The following FBXL17 variants were observed in gnomAD, a reference collection of about 807,000 sequenced individuals.
FBXL17 encodes the protein F-box/LRR-repeat protein 17.
In FBXL17, 22 loss-of-function variants were observed where a neutral mutation model predicts 66.2. That is an observed-to-expected ratio of 0.33 (90% CI 0.24 to 0.47). FBXL17 has a LOEUF of 0.47. Ranked by LOEUF, FBXL17 falls within the 20% of genes least tolerant of loss-of-function variation. The probability of loss-of-function intolerance (pLI) is 1.00; values close to 1 mark genes in which losing one functional copy is unlikely to be tolerated. For synonymous variants in FBXL17, 474 were observed against 400.5 expected, an observed-to-expected ratio of 1.18 and a Z score of -2.19; for missense variants, 878 against 948.2, an observed-to-expected ratio of 0.93 and a Z score of 0.97.
intron 6 of FBXL17, among the ~76,000 whole-genome samples, chr5:108,082,174 A>C (rs925890766): frequency 3.3e-5 from 5 of 152,096 alleles, no homozygotes; most frequent in African/African-American, 1.2e-4. Context: ...ATACATGAAA[A>C]ATAAGAAGGA....
In FBXL17 at chr5:108,381,759, G is replaced by A. The variant is rs987031565; in HGVS notation, c.-68C>T. The A allele has an allele frequency of 7.3e-7, 1 of 1,376,618 alleles. No individual in the cohort carries two copies. The highest frequency in any genetic ancestry group is 9.3e-7 in the Non-Finnish European group (1 of 1,071,190). 85.3% of individuals were successfully genotyped at this position (1,376,618 alleles called of 1,614,324 possible). Reference sequence around the variant, plus strand: ...GACCCAGAGAGGCGGGCTCCCGGCAGCGGGGCAGGCCGCTCGCTGGCTCGG... The same window carrying A: ...GACCCAGAGAGGCGGGCTCCCGGCAACGGGGCAGGCCGCTCGCTGGCTCGG... On this transcript the variant is annotated 5_prime_UTR_variant, in exon 1 of 9. Coordinates refer to ENST00000542267, the MANE Select transcript of FBXL17 (RefSeq NM_001163315.3).
intron 8 of FBXL17, 82 bp downstream of exon 8, chr5:107,880,953 GAT>G: frequency 6.2e-7 from 1 of 1,609,606 alleles, no homozygotes; most frequent in African/African-American, 1.3e-5. Flanking sequence ...CGGGGGTGGA[GAT>G]AGAGAAGGAG....
intron 4 of FBXL17, among the ~76,000 whole-genome samples, chr5:108,307,801 A>G (rs531396646): frequency 8.0e-5 from 12 of 150,722 alleles, no homozygotes; most frequent in African/African-American, 2.9e-4. Context: ...TAAGACAGCT[A>G]AAGAAAAAAT....
At chr5:107,956,806 T>C (rs1466839015) in intron 7 of FBXL17, among the ~76,000 whole-genome samples, 2 of 152,150 alleles carry the variant, frequency 1.3e-5, no homozygotes, top group African/African-American at 4.8e-5. Flanking sequence ...TGAAAATTTG[T>C]ACTACTATTT....
intron 4 of FBXL17, among the ~76,000 whole-genome samples, chr5:108,248,904 T>G (rs1011356727): frequency 2.6e-5 from 4 of 152,216 alleles, no homozygotes; most frequent in Non-Finnish European, 4.4e-5. Flanking sequence ...CAGAATTTTT[T>G]CCAAGCAGAC....
At chr5:108,374,526 T>A (rs925376745) in intron 1 of FBXL17, among the ~76,000 whole-genome samples, 1 of 151,836 alleles carries the variant, frequency 6.6e-6, no homozygotes, top group Non-Finnish European at 1.5e-5. Flanking sequence ...ATACAAAAAT[T>A]AGCCGGGCGT....
rs931810950 is a variant in FBXL17, at chr5:107,861,610, C to G, written c.*110G>C. 2.0e-6 allele frequency: 2 copies of G among 1,018,916 alleles called. No homozygotes were observed. The highest frequency in any genetic ancestry group is 2.6e-6 in the Non-Finnish European group (2 of 766,188). The allele number at this position is 1,018,916 out of a possible 1,614,324, so 63.1% of individuals were successfully genotyped here. A position where few individuals can be genotyped will look rare whatever the true frequency, so the allele number is the denominator to read the frequency against. On this transcript the variant is annotated 3_prime_UTR_variant, in exon 9 of 9. Transcript: ENST00000542267. Reference sequence around the variant, plus strand: ...CAAGACACAAATACACATACTTGAACACACACAGACAGGTGACAGTTAAAA... The same window carrying G: ...CAAGACACAAATACACATACTTGAAGACACACAGACAGGTGACAGTTAAAA...
At chr5:108,291,428 T>A (rs774881986) in intron 4 of FBXL17, among the ~76,000 whole-genome samples, 1 of 152,198 alleles carries the variant, frequency 6.6e-6, no homozygotes, top group African/African-American at 2.4e-5. Context: ...TAGCAGAGAA[T>A]TGAAATTACT....
At chr5:108,190,875 T>C (rs539975860) in intron 5 of FBXL17, among the ~76,000 whole-genome samples, 85 of 152,322 alleles carry the variant, frequency 5.6e-4, no homozygotes, top group Admixed American at 5.6e-3. Context: ...TTTATCACTG[T>C]TGGAAATATA....
intron 7 of FBXL17, among the ~76,000 whole-genome samples, chr5:107,943,244 T>C (rs1287774085): frequency 6.6e-6 from 1 of 152,190 alleles, no homozygotes; most frequent in East Asian, 1.9e-4. Flanking sequence ...AATCTCCCTG[T>C]GAGCCCTTTC....
intron 6 of FBXL17, among the ~76,000 whole-genome samples, chr5:108,126,252 C>T (rs750207082): frequency 6.6e-6 from 1 of 152,010 alleles, no homozygotes. Context: ...TAGGCTAGAA[C>T]CTGGCATATG....
At chr5:108,268,493 T>G (rs1023916802) in intron 4 of FBXL17, among the ~76,000 whole-genome samples, 1 of 152,054 alleles carries the variant, frequency 6.6e-6, no homozygotes, top group Non-Finnish European at 1.5e-5. Flanking sequence ...TCTTCTGAGA[T>G]GCATCAGTCA....
chr5:108,224,146 G>C lies in FBXL17; in HGVS notation c.1589C>G (p.Ser530Cys). The change falls in exon 5 of 9, where the codon TCT (serine) becomes TGT (cysteine). Residue 530 changes from serine (S) to cysteine (C), a missense_variant. Around this residue, in one of 4 missense-constraint regions of FBXL17, gnomAD observed 236 missense variants for 389.1 expected, o/e 0.61. Transcript: ENST00000542267. ...CTTGGTTAGGTGAATGACTCCTTTA[G>C]AAGTGACTGAACAACCCATGAAGCC... ...YVGFMGCSVTSKGVIHLTKLR... is the reference protein window; with the variant it reads ...YVGFMGCSVTCKGVIHLTKLR... 6.2e-7 allele frequency: 1 copy of C among 1,609,436 alleles called. No individual in the cohort carries two copies. The highest frequency in any genetic ancestry group is 8.5e-7 in the Non-Finnish European group (1 of 1,176,462).
At chr5:108,365,350 T>C (rs907625818) in intron 2 of FBXL17, among the ~76,000 whole-genome samples, 1 of 152,082 alleles carries the variant, frequency 6.6e-6, no homozygotes, top group African/African-American at 2.4e-5. Context: ...GGGGGCTGGT[T>C]ACCAGAAAAA....
At position 108,020,756 on chromosome 5, in the gene FBXL17, G is replaced by A. The variant is rs571417787; in HGVS notation, c.1822+169C>T. On this transcript the variant is annotated intron_variant, in intron 7 of 8. Coordinates refer to ENST00000542267, the MANE Select transcript of FBXL17 (RefSeq NM_001163315.3). The stretch of plus-strand genomic sequence containing the variant: ...GTAATATGCATATTCATTTTACTCT[G>A]GTTCTTAGCTCATAATTTTTTTATT... 5 of 524,982 alleles carry A rather than the reference G, an allele frequency of 9.5e-6. No individual in the cohort carries two copies. In the African/African-American group the frequency reaches 9.5e-5, roughly 10 times the overall value. The allele number at this position is 524,982 out of a possible 1,614,324, so 32.5% of individuals were successfully genotyped here.
intron 6 of FBXL17, among the ~76,000 whole-genome samples, chr5:108,105,457 G>T (rs986281619): frequency 6.6e-6 from 1 of 152,184 alleles, no homozygotes; most frequent in African/African-American, 2.4e-5. Flanking sequence ...CTGTTTTGAA[G>T]ATATTAGATC....
intron 6 of FBXL17, among the ~76,000 whole-genome samples, chr5:108,175,323 G>A (rs1483584137): frequency 6.6e-6 from 1 of 152,072 alleles, no homozygotes; most frequent in Non-Finnish European, 1.5e-5. Context: ...TCACACATCC[G>A]CACAATAATA....
chr5:108,274,158 G>T (rs1421149009), intron 4 of FBXL17, among the ~76,000 whole-genome samples: 2 of 152,174 alleles, frequency 1.3e-5, no homozygotes, highest in African/African-American at 4.8e-5. Flanking sequence ...CAGGGTTTTT[G>T]AGATCAACTG....
chr5:108,021,021 G>C lies in FBXL17; in HGVS notation c.1746-20C>G. ...ACACACCTGAAACATACAAAAAGTG[G>C]TTATACTAATGCGTTTCAAGTTAAA... On this transcript the variant is annotated intron_variant, in intron 6 of 8. Coordinates refer to ENST00000542267, the MANE Select transcript of FBXL17 (RefSeq NM_001163315.3). 1 of 1,587,772 alleles carries C rather than the reference G, an allele frequency of 6.3e-7. No individual in the cohort carries two copies. The highest frequency in any genetic ancestry group is 8.6e-7 in the Non-Finnish European group (1 of 1,157,274).
Sources: allele counts gnomAD v4.1 joint callset (sites outside exome capture counted in the v4.1 genomes callset), GRCh38; gene constraint gnomAD v4.1.1; regional missense constraint gnomAD v4.1.1; transcripts MANE v1.5; gene names NCBI Gene and HGNC (gene_info 2026-07-23, HGNC 2026-07-21).